The following KIAA1671 variants were observed in gnomAD, a reference collection of about 807,000 sequenced individuals.
KIAA1671 encodes the protein KIAA1671.
A neutral mutation model predicts 131.2 loss-of-function variants in KIAA1671; 52 were observed. That is an observed-to-expected ratio of 0.40 (90% CI 0.32 to 0.50). The LOEUF (loss-of-function observed/expected upper bound fraction) is 0.50, where lower values mean the gene tolerates loss of function less well. Ranked by LOEUF, KIAA1671 falls within the 20% of genes least tolerant of loss-of-function variation. The pLI is 0.73. For missense variants in KIAA1671, 2,360 were observed against 2,364.2 expected (o/e 1.00, Z 0.04); for synonymous variants, 1,003 against 961.6 (o/e 1.04, Z -0.80).
At chr22:25,140,304 C>T (rs1932788028) in intron 6 of KIAA1671, among the ~76,000 whole-genome samples, 1 of 152,216 alleles carries the variant, frequency 6.6e-6, no homozygotes, top group Non-Finnish European at 1.5e-5. Context: ...TTCTCATGGC[C>T]ATTTGCTTCA....
At chr22:24,979,358 AT>A (rs60107890) in intron 1 of KIAA1671, among the ~76,000 whole-genome samples, 3 of 125,326 alleles carry the variant, frequency 2.4e-5, no homozygotes, top group Admixed American at 8.2e-5. Flanking sequence ...TTATTTATTT[AT>A]TTTTTTTTGA....
At chr22:25,160,695 A>G (rs942727629) in intron 6 of KIAA1671, among the ~76,000 whole-genome samples, 1 of 152,110 alleles carries the variant, frequency 6.6e-6, no homozygotes, top group Admixed American at 6.5e-5. Flanking sequence ...CACCACATCC[A>G]GCCACACCTG....
intron 11 of KIAA1671, among the ~76,000 whole-genome samples, chr22:25,189,234 A>G (rs938100858): frequency 1.1e-4 from 16 of 149,438 alleles, no homozygotes; most frequent in African/African-American, 3.7e-4. Context: ...ACTCACTGCA[A>G]CCTCCGCCTC....
chr22:24,973,044 C>T (rs1429095899), intron 1 of KIAA1671, among the ~76,000 whole-genome samples: 1 of 152,084 alleles, frequency 6.6e-6, no homozygotes, highest in Non-Finnish European at 1.5e-5. Context: ...AGTGCAAAGG[C>T]CCCCAGGCAG....
chr22:24,986,512 T>C (rs1235510848), intron 1 of KIAA1671, among the ~76,000 whole-genome samples: 3 of 152,138 alleles, frequency 2.0e-5, no homozygotes, highest in Non-Finnish European at 4.4e-5. Flanking sequence ...ACCTGTTCAA[T>C]ACTGATGCAA....
At chr22:25,079,657 A>T (rs1186012688) in intron 6 of KIAA1671, among the ~76,000 whole-genome samples, 1 of 152,208 alleles carries the variant, frequency 6.6e-6, no homozygotes, top group Non-Finnish European at 1.5e-5. Context: ...GCACAGGCAC[A>T]TTTGCAGAAC....
chr22:25,188,447 G>GGGGTGTGTGTGT (rs1347509182), intron 11 of KIAA1671, among the ~76,000 whole-genome samples: 4 of 137,890 alleles, frequency 2.9e-5, no homozygotes, highest in Non-Finnish European at 6.3e-5. Context: ...GAGCCAATCG[G>GGGGTGTGTGTGT]GTGTGTGTGT....
chr22:25,073,102 T>C (rs1289978161), intron 6 of KIAA1671, among the ~76,000 whole-genome samples: 1 of 152,194 alleles, frequency 6.6e-6, no homozygotes, highest in Non-Finnish European at 1.5e-5. Flanking sequence ...AGGGTCTCAC[T>C]CTGTCACCCA....
intron 6 of KIAA1671, among the ~76,000 whole-genome samples, chr22:25,130,139 TAAG>T (rs1932371478): frequency 6.6e-6 from 1 of 152,218 alleles, no homozygotes; most frequent in Non-Finnish European, 1.5e-5. Context: ...TGCTATCTTA[TAAG>T]AATATTATAA....
At chr22:25,140,677 C>T (rs1159542227) in intron 6 of KIAA1671, among the ~76,000 whole-genome samples, 2 of 152,088 alleles carry the variant, frequency 1.3e-5, no homozygotes, top group African/African-American at 2.4e-5. Context: ...TGCAGTGAGC[C>T]GTGAGGGTCG....
At position 25,181,619 on chromosome 22, in the gene KIAA1671, C is replaced by A. The variant is rs547214670; in HGVS notation, c.5075-80C>A. ...TCTGATGTGAGCATTGCATGAGATA[C>A]TGTGTGCAAATTATCTGGCATGTAG... On this transcript the variant is annotated intron_variant, in intron 9 of 12. Coordinates refer to ENST00000358431, the MANE Select transcript of KIAA1671 (RefSeq NM_001145206.2). The A allele has an allele frequency of 3.3e-6, 5 of 1,508,426 alleles. No individual in the cohort carries two copies. In the Admixed American group the frequency reaches 7.9e-5, roughly 24 times the overall value. The allele number at this position is 1,508,426 out of a possible 1,614,324, so 93.4% of individuals were successfully genotyped here. A position where few individuals can be genotyped will look rare whatever the true frequency, so the allele number is the denominator to read the frequency against.
chr22:25,043,478 T>TA (rs1254658955), intron 5 of KIAA1671, among the ~76,000 whole-genome samples: 1 of 152,166 alleles, frequency 6.6e-6, no homozygotes, highest in African/African-American at 2.4e-5. Flanking sequence ...AATCTGGCCT[T>TA]AATTACCCAA....
Position 25,170,800 on chromosome 22 carries a change from C to T in KIAA1671, c.4531-20C>T, listed in dbSNP as rs1933820755. 1.9e-6 allele frequency: 3 copies of T among 1,549,558 alleles called. No homozygotes were observed. The highest frequency in any genetic ancestry group is 2.6e-6 in the Non-Finnish European group (3 of 1,145,054). ...AGTACATTTCCTGGTAGAAATCTCA[C>T]ATCTGGCTTGTCTTTGCAGGACCAG... is the stretch of plus-strand genomic sequence containing the variant. On this transcript the variant is annotated intron_variant, in intron 6 of 12. Coordinates refer to ENST00000358431, the MANE Select transcript of KIAA1671 (RefSeq NM_001145206.2).
At chr22:25,072,392 G>A (rs1278363868) in intron 6 of KIAA1671, among the ~76,000 whole-genome samples, 4 of 152,182 alleles carry the variant, frequency 2.6e-5, no homozygotes, top group Non-Finnish European at 5.9e-5. Context: ...TCCTAGATGT[G>A]ATAATGAGAG....
intron 6 of KIAA1671, chr22:25,052,807 C>T (rs888124609): frequency 6.6e-6 from 1 of 152,148 alleles, no homozygotes; most frequent in African/African-American, 2.4e-5. Flanking sequence ...GCCTCTGCCT[C>T]CCGGGTTCAA....
chr22:25,014,223 G>C (rs527366714), intron 1 of KIAA1671: 11 of 152,284 alleles, frequency 7.2e-5, no homozygotes, highest in African/African-American at 1.9e-4. Context: ...AGAAACTGCT[G>C]TATAGGGTGT....
intron 6 of KIAA1671, chr22:25,112,126 A>G (rs1931393886): frequency 2.5e-6 from 1 of 398,334 alleles, no homozygotes; most frequent in East Asian, 3.6e-5. Context: ...TGGCGTTTTA[A>G]TTGCTCTCTC....
At chr22:25,175,402 T>C (rs759140488) in intron 8 of KIAA1671, 4 of 152,174 alleles carry the variant, frequency 2.6e-5, no homozygotes, top group Admixed American at 6.5e-5. Flanking sequence ...GGGCTTCCTT[T>C]AGGGCTTCAA....
Position 25,138,581 on chromosome 22 carries a change from C to T in KIAA1671, c.4531-32239C>T, listed in dbSNP as rs563093454. Among the ~76,000 whole-genome samples, 135 of 152,286 alleles carry T rather than the reference C, an allele frequency of 8.9e-4. 1 individual carries two copies. Among genetic ancestry groups the T allele is most frequent in the African/African-American group, 3.1e-3 (130 of 41,560 alleles). On this transcript the variant is annotated intron_variant, in intron 6 of 12. Coordinates refer to ENST00000358431, the MANE Select transcript of KIAA1671 (RefSeq NM_001145206.2). ...TGCTCTTGTTGCTTAGATTGATTAA[C>T]GATCCCTGAGTTGAACATTCACCTA... is the stretch of plus-strand genomic sequence containing the variant.
Sources: allele counts gnomAD v4.1 joint callset (sites outside exome capture counted in the v4.1 genomes callset), GRCh38; gene constraint gnomAD v4.1.1; transcripts MANE v1.5; gene names NCBI Gene and HGNC (gene_info 2026-07-23, HGNC 2026-07-21).